The following BBS9 variants were observed in gnomAD, a reference collection of about 807,000 sequenced individuals.
BBS9 encodes the protein protein PTHB1.
BBS9 carries 89 observed loss-of-function variants against 117.7 expected under a neutral mutation model. That is an observed-to-expected ratio of 0.76 (90% CI 0.64 to 0.90). BBS9 has a LOEUF of 0.90. Among genes scored for constraint, BBS9 ranks in the 40% least tolerant of loss-of-function variants. The pLI is 0.00. For synonymous variants in BBS9, 379 were observed against 370.9 expected, an observed-to-expected ratio of 1.02 and a Z score of -0.25; for missense variants, 982 against 1,042.2, an observed-to-expected ratio of 0.94 and a Z score of 0.80.
rs761129816 is a variant in BBS9, at chr7:33,374,656, C to A, written c.1789+6794C>A. Among the ~76,000 whole-genome samples the A allele has an allele frequency of 4.3e-4, 65 of 152,202 alleles. 1 individual carries two copies. The highest frequency in any genetic ancestry group is 8.8e-5 in the Non-Finnish European group (6 of 68,004). On this transcript the variant is annotated intron_variant, in intron 17 of 22. Coordinates refer to ENST00000242067, the MANE Select transcript of BBS9 (RefSeq NM_198428.3). ...GTGGCTCACGCCTGTAATCCCAGGACTTTGGGAGGTCGAGGTGGGTGGATC... is the reference window on the plus strand; with the variant it reads ...GTGGCTCACGCCTGTAATCCCAGGAATTTGGGAGGTCGAGGTGGGTGGATC...
At chr7:33,262,777 C>T (rs1042500182) in intron 6 of BBS9, among the ~76,000 whole-genome samples, 17 of 152,252 alleles carry the variant, frequency 1.1e-4, no homozygotes, top group Non-Finnish European at 1.2e-4. Flanking sequence ...ATTTGATTTG[C>T]CATAATGCCT....
At chr7:33,393,736 A>G (rs1305540857) in intron 19 of BBS9, among the ~76,000 whole-genome samples, 1 of 152,176 alleles carries the variant, frequency 6.6e-6, no homozygotes, top group Non-Finnish European at 1.5e-5. Flanking sequence ...GTTAATCGGC[A>G]ATGAGGCAAC....
chr7:33,176,797 C>T (rs1443577465), intron 4 of BBS9, among the ~76,000 whole-genome samples: 1 of 152,102 alleles, frequency 6.6e-6, no homozygotes, highest in Non-Finnish European at 1.5e-5. Context: ...CTTTCCAACA[C>T]ACTTTTTAAT....
At chr7:33,542,769 G>A (rs553834759) in intron 21 of BBS9, among the ~76,000 whole-genome samples, 93 of 135,856 alleles carry the variant, frequency 6.8e-4, no homozygotes, top group Non-Finnish European at 1.1e-3. Context: ...GTATGTATAT[G>A]TGAGTATATA....
At chr7:33,240,721 A>G (rs1266886623) in intron 5 of BBS9, among the ~76,000 whole-genome samples, 1 of 152,134 alleles carries the variant, frequency 6.6e-6, no homozygotes, top group Admixed American at 6.5e-5. Flanking sequence ...TTGTGATACA[A>G]TTTTTCCCAT....
rs756380526 is a variant in BBS9 at position 33,336,489 on chromosome 7, G to T, written c.1065G>T (p.Gln355His). 1.2e-6 allele frequency: 2 copies of T among 1,613,876 alleles called. No individual in the cohort carries two copies. Among genetic ancestry groups the T allele is most frequent in the Non-Finnish European group, 1.7e-6 (2 of 1,179,882 alleles). Residue 355 changes from glutamine to histidine, a missense_variant, in exon 10 of 23, where the codon CAG becomes CAT. Physicochemically the swap from Gln to His is conservative, Grantham distance 24. Coordinates refer to ENST00000242067, the MANE Select transcript of BBS9 (RefSeq NM_198428.3). ...IVTLSDDGHL[Q>H]CSYLGTDPSL... Reference sequence around the variant, plus strand: ...CTCTGAGTGATGATGGTCACTTGCAGTGTTCATACCTGGGGACAGATCCTT... The same window carrying T: ...CTCTGAGTGATGATGGTCACTTGCATTGTTCATACCTGGGGACAGATCCTT...
At chr7:33,544,631 G>C (rs946323296) in intron 21 of BBS9, among the ~76,000 whole-genome samples, 1 of 152,170 alleles carries the variant, frequency 6.6e-6, no homozygotes, top group African/African-American at 2.4e-5. Context: ...AAGGTCCTTA[G>C]CTTTGGTGGT....
chr7:33,619,245 A>G (rs1865289900), intron 21 of BBS9, among the ~76,000 whole-genome samples: 1 of 152,200 alleles, frequency 6.6e-6, no homozygotes, highest in African/African-American at 2.4e-5. Context: ...AAAAAATGTC[A>G]CAAGAAACAA....
At chr7:33,190,874 C>T (rs1341466740) in intron 5 of BBS9, among the ~76,000 whole-genome samples, 1 of 152,134 alleles carries the variant, frequency 6.6e-6, no homozygotes, top group Non-Finnish European at 1.5e-5. Context: ...GGTGGATTTC[C>T]AGAGGAATAT....
intron 9 of BBS9, among the ~76,000 whole-genome samples, chr7:33,329,050 C>T (rs940983755): frequency 2.1e-5 from 3 of 145,588 alleles, no homozygotes; most frequent in Admixed American, 6.9e-5. Flanking sequence ...AACGGAGTTT[C>T]GCTCTTGTGT....
intron 19 of BBS9, among the ~76,000 whole-genome samples, chr7:33,450,602 T>G (rs59644818): frequency 0.21 from 31,666 of 152,132 alleles, 3,412 homozygotes; most frequent in South Asian, 0.26. Context: ...GTGGTTTTGA[T>G]TTGCATTTTC....
intron 21 of BBS9, among the ~76,000 whole-genome samples, chr7:33,568,979 G>A (rs964074341): frequency 1.9e-4 from 29 of 152,106 alleles, no homozygotes; most frequent in African/African-American, 6.8e-4. Flanking sequence ...GAAGCTCTTT[G>A]TGTTTTGCTT....
chr7:33,294,359 GTCCATCCATCCA>G (rs111245225), intron 9 of BBS9, among the ~76,000 whole-genome samples: 3,563 of 139,780 alleles, frequency 0.025, 136 homozygotes, highest in African/African-American at 0.089. Flanking sequence ...CTATCTCTTT[GTCCATCCATCCA>G]TCCATCCATC....
chr7:33,161,418 G>C (rs560892927), intron 4 of BBS9, among the ~76,000 whole-genome samples: 1 of 152,098 alleles, frequency 6.6e-6, no homozygotes, highest in Non-Finnish European at 1.5e-5. Context: ...ATGGTTTCCA[G>C]CTTCATCCAT....
chr7:33,582,308 A>G (rs1860093570), intron 21 of BBS9, among the ~76,000 whole-genome samples: 1 of 152,026 alleles, frequency 6.6e-6, no homozygotes, highest in Non-Finnish European at 1.5e-5. Flanking sequence ...GCACAGTGTG[A>G]GGAGGCTCGG....
intron 5 of BBS9, among the ~76,000 whole-genome samples, chr7:33,186,324 AAG>A (rs1484373674): frequency 6.6e-6 from 1 of 152,162 alleles, no homozygotes; most frequent in Admixed American, 6.5e-5. Context: ...GCAGTGTTCT[AAG>A]AGCTTTTACA....
intron 21 of BBS9, among the ~76,000 whole-genome samples, chr7:33,557,595 C>T (rs1055003994): frequency 1.3e-5 from 2 of 152,254 alleles, no homozygotes; most frequent in African/African-American, 4.8e-5. Flanking sequence ...TGGACCATGC[C>T]AGCTGATGAG....
At chr7:33,354,082 A>G (rs557351685) in intron 15 of BBS9, among the ~76,000 whole-genome samples, 1 of 152,242 alleles carries the variant, frequency 6.6e-6, no homozygotes, top group South Asian at 2.1e-4. Flanking sequence ...AATTCAGCCC[A>G]AACTATGAGG....
intron 17 of BBS9, among the ~76,000 whole-genome samples, chr7:33,371,845 G>A (rs1822921612): frequency 6.6e-6 from 1 of 152,134 alleles, no homozygotes; most frequent in Non-Finnish European, 1.5e-5. Context: ...TCCTTTTTAG[G>A]TGATTTTCCC....
Sources: allele counts gnomAD v4.1 joint callset (sites outside exome capture counted in the v4.1 genomes callset), GRCh38; gene constraint gnomAD v4.1.1; transcripts MANE v1.5; gene names NCBI Gene and HGNC (gene_info 2026-07-23, HGNC 2026-07-21).